FEZ2: variants seen among roughly 807,000 people sequenced by gnomAD.
FEZ2 encodes the protein fasciculation and elongation protein zeta-2.
FEZ2 carries 51 observed loss-of-function variants against 40.4 expected under a neutral mutation model. The ratio of observed to expected loss-of-function variants is 1.26; its 90% CI spans 1.01 to 1.59. The LOEUF is 1.59. Ranked by LOEUF, FEZ2 falls within the 40% of genes most tolerant of loss-of-function variation. The pLI, the probability that FEZ2 is intolerant of heterozygous loss-of-function variation, is 0.00. For synonymous variants in FEZ2, 242 were observed against 172.0 expected, an observed-to-expected ratio of 1.41 and a Z score of -3.18; for missense variants, 640 against 438.3, an observed-to-expected ratio of 1.46 and a Z score of -4.11.
intron 5 of FEZ2, among the ~76,000 whole-genome samples, chr2:36,565,814 G>C (rs1026951054): frequency 1.3e-5 from 2 of 152,042 alleles, no homozygotes; most frequent in Admixed American, 6.5e-5. Flanking sequence ...CAGTGTAGTG[G>C]GGTGGGATCT....
intron 5 of FEZ2, among the ~76,000 whole-genome samples, chr2:36,567,476 C>T (rs1426527572): frequency 6.6e-6 from 1 of 152,096 alleles, no homozygotes; most frequent in Non-Finnish European, 1.5e-5. Context: ...AAATCTCAAA[C>T]CCCGGCCAGG....
chr2:36,559,117 T>TA (rs1558441125), intron 5 of FEZ2: 5 of 152,210 alleles, frequency 3.3e-5, no homozygotes. Flanking sequence ...TAAACGTTTT[T>TA]AGGCATTAAA....
chr2:36,590,441 G>A (rs115545989), intron 2 of FEZ2: 1 of 154,354 alleles, frequency 6.5e-6, no homozygotes, highest in Admixed American at 6.5e-5. Context: ...ACTCTGGGAG[G>A]TGAATTACCT....
At chr2:36,577,817 T>C (rs1668619208) in intron 5 of FEZ2, among the ~76,000 whole-genome samples, 1 of 152,212 alleles carries the variant, frequency 6.6e-6, no homozygotes. Context: ...CAAGCCATAA[T>C]AGCTAGTTTG....
At position 36,566,410 on chromosome 2, in the gene FEZ2, TAAAG is replaced by T. The variant is rs550724319; in HGVS notation, c.904-7901_904-7898del. Among the ~76,000 whole-genome samples the T allele has an allele frequency of 1.1e-3, 168 of 148,040 alleles. 2 individuals are homozygous for T. The highest frequency in any genetic ancestry group is 3.9e-3 in the African/African-American group (157 of 40,040). On this transcript the variant is annotated intron_variant, in intron 5 of 7. Transcript: ENST00000405912. ...GTGCACAAGATCTAAAGAGAAACAA[TAAAG>T]AAAGAAAAATGAAAATTCTGGTCAG... is the stretch of plus-strand genomic sequence containing the variant.
chr2:36,573,915 A>G (rs908219711), intron 5 of FEZ2, among the ~76,000 whole-genome samples: 19 of 152,240 alleles, frequency 1.2e-4, no homozygotes, highest in Non-Finnish European at 2.1e-4. Context: ...CTTCTACACA[A>G]TAATTTGAAA....
In FEZ2 at chr2:36,596,580, C is replaced by T. The variant is rs546347865; in HGVS notation, c.266+1297G>A. On this transcript the variant is annotated intron_variant, in intron 1 of 7. Coordinates refer to ENST00000405912, the MANE Select transcript of FEZ2 (RefSeq NM_005102.3). ...CAAGCAATCCTGCCATCTCAGCCTCCGGGCAGCTGGGTCCGTGGGACCACG... is the reference window on the plus strand; with the variant it reads ...CAAGCAATCCTGCCATCTCAGCCTCTGGGCAGCTGGGTCCGTGGGACCACG... Among the ~76,000 whole-genome samples the T allele has an allele frequency of 3.3e-5, 5 of 152,200 alleles. No homozygotes were observed. In the South Asian group the frequency reaches 6.2e-4, roughly 19 times the overall value.
intron 1 of FEZ2, among the ~76,000 whole-genome samples, chr2:36,597,214 G>T (rs762752720): frequency 2.6e-5 from 4 of 151,872 alleles, no homozygotes; most frequent in Non-Finnish European, 5.9e-5. Flanking sequence ...TTATGCACAG[G>T]CAATATACTC....
intron 2 of FEZ2, among the ~76,000 whole-genome samples, chr2:36,587,796 T>A (rs1668944564): frequency 6.7e-6 from 1 of 149,584 alleles, no homozygotes; most frequent in Non-Finnish European, 1.5e-5. Context: ...TTTGCCAGAT[T>A]AAAAAAAAAA....
intron 3 of FEZ2, 139 bp from the exon 4 acceptor site, chr2:36,581,570 T>G: frequency 1.5e-6 from 1 of 683,382 alleles, no homozygotes; most frequent in Non-Finnish European, 2.5e-6. Context: ...GTGTGGATGC[T>G]CCAAATAATC....
intron 5 of FEZ2, among the ~76,000 whole-genome samples, chr2:36,577,448 G>A (rs1227451588): frequency 6.6e-6 from 1 of 151,996 alleles, no homozygotes; most frequent in Non-Finnish European, 1.5e-5. Context: ...GTAGAGACGG[G>A]GTTTCTCCAT....
chr2:36,593,862 G>A (rs1240381385), intron 1 of FEZ2, among the ~76,000 whole-genome samples: 6 of 149,566 alleles, frequency 4.0e-5, no homozygotes, highest in African/African-American at 7.4e-5. Context: ...TTTTTCTATC[G>A]CATAGTCAGG....
chr2:36,568,545 G>C (rs917216419), intron 5 of FEZ2, among the ~76,000 whole-genome samples: 1 of 152,124 alleles, frequency 6.6e-6, no homozygotes, highest in African/African-American at 2.4e-5. Flanking sequence ...AAGTTATTTT[G>C]TAATTGATTC....
chr2:36,597,437 C>G (rs1669258683), intron 1 of FEZ2, among the ~76,000 whole-genome samples: 1 of 152,168 alleles, frequency 6.6e-6, no homozygotes, highest in Admixed American at 6.5e-5. Context: ...ACGTTGTGTC[C>G]TAAGTGGGAG....
intron 5 of FEZ2, among the ~76,000 whole-genome samples, chr2:36,564,296 T>C (rs1668172602): frequency 6.6e-6 from 1 of 152,132 alleles, no homozygotes; most frequent in Non-Finnish European, 1.5e-5. Context: ...CTAAAACTCA[T>C]ATCCAAAACT....
chr2:36,563,543 A>C (rs988983329), intron 5 of FEZ2, among the ~76,000 whole-genome samples: 2 of 152,072 alleles, frequency 1.3e-5, no homozygotes, highest in African/African-American at 4.8e-5. Context: ...AAAAACTAAA[A>C]TCTACGTCTG....
chr2:36,589,896 T>C (rs1431310093), intron 2 of FEZ2: 3 of 152,166 alleles, frequency 2.0e-5, no homozygotes, highest in Non-Finnish European at 4.4e-5. Flanking sequence ...CTTAATGAAA[T>C]ATAGAGCACG....
At position 36,569,414 on chromosome 2, in the gene FEZ2, AGGAC is replaced by A. The variant is rs1396738142; in HGVS notation, c.903+9179_903+9182del. Among the ~76,000 whole-genome samples the A allele has an allele frequency of 3.7e-3, 563 of 152,376 alleles. 3 individuals are homozygous for A. The highest frequency in any genetic ancestry group is 0.013 in the African/African-American group (541 of 41,598). ...TCCCCGATTATAGTTCCTAGCTGAT[AGGAC>A]TGAAAACAACATAAAGAGACATTAC... is the stretch of plus-strand genomic sequence containing the variant. On this transcript the variant is annotated intron_variant, in intron 5 of 7. Transcript: ENST00000405912.
intron 1 of FEZ2, among the ~76,000 whole-genome samples, chr2:36,595,289 A>G (rs1309133040): frequency 6.6e-6 from 1 of 152,028 alleles, no homozygotes; most frequent in African/African-American, 2.4e-5. Context: ...ACAACTCACC[A>G]TAACGTAGAA....
Sources: gnomAD v4.1 joint callset for allele counts (sites outside exome capture counted in the v4.1 genomes callset) on GRCh38, gnomAD v4.1.1 for gene constraint, MANE v1.5 for transcripts, NCBI Gene and HGNC (gene_info 2026-07-23, HGNC 2026-07-21) for gene names.